The following CACNA2D3 variants were observed in gnomAD, a reference collection of about 807,000 sequenced individuals.
The protein encoded by CACNA2D3 is voltage-dependent calcium channel subunit alpha-2/delta-3.
In CACNA2D3, 60 loss-of-function variants were observed where a neutral mutation model predicts 160.6. The observed-to-expected ratio is 0.37, with a 90% CI of 0.30 to 0.46. The LOEUF (loss-of-function observed/expected upper bound fraction) is 0.46. CACNA2D3 is among the 20% of genes least tolerant of loss of function. The pLI is 1.00. For missense variants in CACNA2D3, 1,205 were observed against 1,365.0 expected, an observed-to-expected ratio of 0.88 and a Z score of 1.85; for synonymous variants, 558 against 492.9, an observed-to-expected ratio of 1.13 and a Z score of -1.75.
At chr3:54,960,547 A>G (rs1702006168) in intron 27 of CACNA2D3, among the ~76,000 whole-genome samples, 1 of 152,200 alleles carries the variant, frequency 6.6e-6, no homozygotes, top group Non-Finnish European at 1.5e-5. Flanking sequence ...GGCTTTACCA[A>G]GATTATAACA....
rs544957710 is a variant in CACNA2D3 at position 54,492,689 on chromosome 3, T to C, written c.382-10803T>C. ...CCCAAACCCCAGTATTCAAACACTT[T>C]AACTTAGAAAGGGTTAAAGGCTCTG... On this transcript the variant is annotated intron_variant, in intron 4 of 37. Coordinates refer to ENST00000474759, the MANE Select transcript of CACNA2D3 (RefSeq NM_018398.3). Among the ~76,000 whole-genome samples the C allele has an allele frequency of 3.9e-5, 6 of 152,326 alleles. No homozygotes were observed. The South Asian group carries it at 1.0e-3, about 26-fold the overall frequency.
chr3:54,636,212 C>T (rs1427737018), intron 10 of CACNA2D3, among the ~76,000 whole-genome samples: 1 of 151,810 alleles, frequency 6.6e-6, no homozygotes, highest in East Asian at 1.9e-4. Context: ...TGGTATGTGG[C>T]GATTAGGCCT....
chr3:54,902,247 C>T lies in CACNA2D3; in HGVS notation c.2449+2379C>T, dbSNP rs79474455. ...TCGCTCCCAGGCCTGACCTGGTCATCTCATGTTCATTGGCTATATATGTCT... is the reference window on the plus strand; with the variant it reads ...TCGCTCCCAGGCCTGACCTGGTCATTTCATGTTCATTGGCTATATATGTCT... On this transcript the variant is annotated intron_variant, in intron 27 of 37. Transcript: ENST00000474759. Among the ~76,000 whole-genome samples, 685 of 152,314 alleles carry T rather than the reference C, an allele frequency of 4.5e-3. 4 individuals are homozygous for T. The highest frequency in any genetic ancestry group is 0.016 in the African/African-American group (650 of 41,570).
chr3:54,541,063 G>A (rs1174563316), intron 5 of CACNA2D3, among the ~76,000 whole-genome samples: 3 of 151,946 alleles, frequency 2.0e-5, no homozygotes, highest in Non-Finnish European at 4.4e-5. Context: ...AGATCACGAG[G>A]TCAGGATATT....
At chr3:54,808,330 T>C (rs1432418375) in intron 13 of CACNA2D3, among the ~76,000 whole-genome samples, 1 of 152,148 alleles carries the variant, frequency 6.6e-6, no homozygotes, top group Non-Finnish European at 1.5e-5. Context: ...GAAGACACCA[T>C]GGGTGCTGAG....
intron 10 of CACNA2D3, 94 bp downstream of exon 10, chr3:54,627,970 G>A: frequency 3.6e-6 from 3 of 836,264 alleles, no homozygotes; most frequent in Non-Finnish European, 6.0e-6. Context: ...CTGTGGTTCA[G>A]ACCTTTAATC....
At chr3:54,755,447 A>C (rs996361628) in intron 12 of CACNA2D3, among the ~76,000 whole-genome samples, 1 of 152,180 alleles carries the variant, frequency 6.6e-6, no homozygotes, top group Non-Finnish European at 1.5e-5. Context: ...TCTTTTAAGC[A>C]AGGCTCAATT....
chr3:54,516,663 A>G (rs546783380), intron 5 of CACNA2D3, among the ~76,000 whole-genome samples: 1 of 152,308 alleles, frequency 6.6e-6, no homozygotes. Context: ...CTGGTTGCCC[A>G]CTAGTGCTTT....
intron 4 of CACNA2D3, among the ~76,000 whole-genome samples, chr3:54,418,312 C>T (rs745865276): frequency 6.6e-6 from 1 of 152,152 alleles, no homozygotes; most frequent in Non-Finnish European, 1.5e-5. Flanking sequence ...GTTTCAGTTT[C>T]ACCATGAAAT....
chr3:54,982,547 C>T (rs116258045), intron 29 of CACNA2D3, among the ~76,000 whole-genome samples: 2,189 of 152,060 alleles, frequency 0.014, 45 homozygotes, highest in African/African-American at 0.049. Flanking sequence ...TTACTGGAAA[C>T]GGGTCCTGAT....
intron 11 of CACNA2D3, among the ~76,000 whole-genome samples, chr3:54,738,558 A>T (rs1006318904): frequency 6.6e-6 from 1 of 152,248 alleles, no homozygotes; most frequent in Non-Finnish European, 1.5e-5. Flanking sequence ...AGGAAACAAG[A>T]TAGAGGCCAG....
rs35541501 is a variant in CACNA2D3, at chr3:54,687,307, A to ATT, written c.1167+45082_1167+45083dup. 5.1e-3 allele frequency among the ~76,000 whole-genome samples: 648 copies of ATT among 127,990 alleles called. 7 individuals carry two copies. The highest frequency in any genetic ancestry group is 0.016 in the African/African-American group (534 of 33,530). The allele number at this position is 127,990 out of a possible 152,430, so 84.0% of individuals were successfully genotyped here. On this transcript the variant is annotated intron_variant, in intron 11 of 37. Transcript: ENST00000474759. ...AGGCACTCACCACCAAGCCTGGCTAATTTTTTTTTTTTTTTTTGTACCTTT... is the reference window on the plus strand; with the variant it reads ...AGGCACTCACCACCAAGCCTGGCTAATTTTTTTTTTTTTTTTTTTGTACCTTT...
intron 5 of CACNA2D3, among the ~76,000 whole-genome samples, chr3:54,513,388 A>G (rs1701489987): frequency 6.6e-6 from 1 of 152,158 alleles, no homozygotes; most frequent in Admixed American, 6.5e-5. Flanking sequence ...CCTTCAGGTA[A>G]CATTTTTGTG....
intron 27 of CACNA2D3, among the ~76,000 whole-genome samples, chr3:54,924,367 C>A (rs1700947627): frequency 1.3e-5 from 2 of 152,168 alleles, no homozygotes; most frequent in Admixed American, 6.5e-5. Context: ...TAAGTAACTT[C>A]TTGTTATATT....
At chr3:54,351,644 C>A (rs953552540) in intron 3 of CACNA2D3, among the ~76,000 whole-genome samples, 2 of 152,186 alleles carry the variant, frequency 1.3e-5, no homozygotes, top group Admixed American at 1.3e-4. Flanking sequence ...GTAACCTCCT[C>A]TTTAAACTCA....
intron 4 of CACNA2D3, among the ~76,000 whole-genome samples, chr3:54,493,525 C>T (rs1171285161): frequency 6.6e-6 from 1 of 152,138 alleles, no homozygotes. Context: ...CATTACTACC[C>T]TCTCATTCAG....
intron 11 of CACNA2D3, among the ~76,000 whole-genome samples, chr3:54,736,052 C>CATATATATAT (rs201221924): frequency 2.1e-5 from 1 of 47,262 alleles, no homozygotes; most frequent in Non-Finnish European, 4.2e-5. Context: ...TATACACATA[C>CATATATATAT]ATATGTATGT....
chr3:54,636,563 G>A (rs1214531248), intron 10 of CACNA2D3, among the ~76,000 whole-genome samples: 4 of 151,940 alleles, frequency 2.6e-5, no homozygotes, highest in Admixed American at 6.6e-5. Flanking sequence ...TTAAAGCAGC[G>A]GCAGCCTCTG....
At chr3:54,590,750 T>C (rs1702843596) in intron 9 of CACNA2D3, among the ~76,000 whole-genome samples, 1 of 152,096 alleles carries the variant, frequency 6.6e-6, no homozygotes. Flanking sequence ...CTTGGCCTCT[T>C]TATTATTTCA....
Sources: gnomAD v4.1 joint callset for allele counts (sites outside exome capture counted in the v4.1 genomes callset) on GRCh38, gnomAD v4.1.1 for gene constraint, MANE v1.5 for transcripts, NCBI Gene and HGNC (gene_info 2026-07-23, HGNC 2026-07-21) for gene names.